SLC38A9: variants seen among roughly 807,000 people sequenced by gnomAD.
The protein encoded by SLC38A9 is neutral amino acid transporter 9.
In SLC38A9, 48 loss-of-function variants were observed where a neutral mutation model predicts 62.3. The ratio of observed to expected loss-of-function variants is 0.77; its 90% CI spans 0.61 to 0.98. The LOEUF is 0.98. Ranked by LOEUF, SLC38A9 falls within the 50% of genes least tolerant of loss-of-function variation. The pLI is 0.00. For missense variants in SLC38A9, 541 were observed against 679.8 expected (o/e 0.80, Z 2.27); for synonymous variants, 204 against 227.7 (o/e 0.90, Z 0.94).
At chr5:55,656,858 ATC>A in intron 8 of SLC38A9, 84 bp from the exon 9 acceptor site, 1 of 491,120 alleles carries the variant, frequency 2.0e-6, no homozygotes, top group Non-Finnish European at 3.0e-6. Flanking sequence ...ATTTATAAAA[ATC>A]TTTTTTTTTT....
chr5:55,669,380 G>A (rs1213668015), intron 6 of SLC38A9, 59 bp from the exon 7 acceptor site: 1 of 1,448,290 alleles, frequency 6.9e-7, no homozygotes, highest in Non-Finnish European at 9.5e-7. Context: ...AAATTCATAT[G>A]CAATTATTTT....
intron 4 of SLC38A9, 32 bp downstream of exon 4, chr5:55,672,530 AT>A: frequency 6.2e-7 from 1 of 1,608,362 alleles, no homozygotes. Flanking sequence ...TTTCAACTGA[AT>A]TTTAGACTAT....
At chr5:55,674,187 C>T (rs1052316507) in intron 3 of SLC38A9, among the ~76,000 whole-genome samples, 1 of 152,000 alleles carries the variant, frequency 6.6e-6, no homozygotes. Context: ...TGTTCTCTAC[C>T]GCAAAACCTA....
chr5:55,710,504 C>G (rs925544314), intron 2 of SLC38A9, among the ~76,000 whole-genome samples: 3 of 152,168 alleles, frequency 2.0e-5, no homozygotes, highest in African/African-American at 7.2e-5. Flanking sequence ...CCACCGCAAT[C>G]CGCCGAACCT....
rs1751475318 is a variant in SLC38A9 at position 55,672,451 on chromosome 5, T to A, written c.246+112A>T. ...CTATCTTTGACTTTGCATGATGCTGTCCTTGAAATACAGTCAGAAAGAAGT... is the reference window on the plus strand; with the variant it reads ...CTATCTTTGACTTTGCATGATGCTGACCTTGAAATACAGTCAGAAAGAAGT... On this transcript the variant is annotated intron_variant, in intron 4 of 15. Transcript: ENST00000396865. 3.3e-6 allele frequency: 4 copies of A among 1,220,164 alleles called. No individual in the cohort carries two copies. The Admixed American group carries it at 8.5e-5, about 26-fold the overall frequency. 75.6% of individuals were successfully genotyped at this position (1,220,164 alleles called of 1,614,324 possible). A position where few individuals can be genotyped will look rare whatever the true frequency, so the allele number is the denominator to read the frequency against.
intron 14 of SLC38A9, among the ~76,000 whole-genome samples, chr5:55,631,411 A>G (rs1017426135): frequency 6.6e-6 from 1 of 152,246 alleles, no homozygotes; most frequent in Non-Finnish European, 1.5e-5. Flanking sequence ...AAAAAACATT[A>G]TTGTAAAGAT....
At chr5:55,708,386 T>C (rs1757571090) in intron 2 of SLC38A9, among the ~76,000 whole-genome samples, 1 of 152,168 alleles carries the variant, frequency 6.6e-6, no homozygotes, top group Admixed American at 6.6e-5. Flanking sequence ...AAAAAGGACA[T>C]AGAGAGCAAT....
chr5:55,688,953 A>T (rs1754348854), intron 3 of SLC38A9, among the ~76,000 whole-genome samples: 1 of 151,318 alleles, frequency 6.6e-6, no homozygotes, highest in Non-Finnish European at 1.5e-5. Flanking sequence ...TAAAACTAGA[A>T]GCCATTCTGT....
chr5:55,665,885 A>T (rs560392302), intron 7 of SLC38A9, among the ~76,000 whole-genome samples: 219 of 152,214 alleles, frequency 1.4e-3, no homozygotes, highest in Non-Finnish European at 2.6e-3. Context: ...ATCCCTTGAG[A>T]CCAGGAGGTT....
intron 8 of SLC38A9, chr5:55,658,060 G>A (rs559488573): frequency 1.3e-5 from 2 of 152,284 alleles, no homozygotes; most frequent in African/African-American, 4.8e-5. Context: ...ACCTCAGAAT[G>A]TGACCTTATT....
At chr5:55,661,320 C>T (rs1749493259) in intron 8 of SLC38A9, among the ~76,000 whole-genome samples, 1 of 151,906 alleles carries the variant, frequency 6.6e-6, no homozygotes, top group Non-Finnish European at 1.5e-5. Context: ...TGGTGGGCGC[C>T]TGTAGTCCTA....
intron 8 of SLC38A9, among the ~76,000 whole-genome samples, chr5:55,661,004 A>G (rs1749422613): frequency 1.0e-5 from 1 of 100,272 alleles, no homozygotes; most frequent in Non-Finnish European, 2.2e-5. Context: ...GTATATTAGA[A>G]CTACTGTTAC....
intron 14 of SLC38A9, among the ~76,000 whole-genome samples, chr5:55,630,379 G>T (rs1743220428): frequency 6.6e-6 from 1 of 151,868 alleles, no homozygotes; most frequent in Non-Finnish European, 1.5e-5. Context: ...GTGCAGTGGT[G>T]CCATCTTGGC....
intron 9 of SLC38A9, among the ~76,000 whole-genome samples, chr5:55,653,814 ATGCCCGGCTAATTTT>A (rs1580183178): frequency 6.6e-6 from 1 of 152,218 alleles, no homozygotes; most frequent in Middle Eastern, 3.4e-3. Context: ...GCATGCCACC[ATGCCCGGCTAATTTT>A]TGTATTTTTA....
chr5:55,638,040 G>T (rs1477779873), intron 12 of SLC38A9, among the ~76,000 whole-genome samples: 7 of 152,154 alleles, frequency 4.6e-5, no homozygotes, highest in Non-Finnish European at 1.0e-4. Context: ...AACACATACA[G>T]GGATGCTTCC....
At chr5:55,702,960 A>C (rs1296928997) in intron 2 of SLC38A9, 1 of 152,228 alleles carries the variant, frequency 6.6e-6, no homozygotes, top group Non-Finnish European at 1.5e-5. Context: ...TAACTTAAAA[A>C]AAAGTAAAAC....
At chr5:55,697,612 AG>A (rs1484442666) in intron 3 of SLC38A9, among the ~76,000 whole-genome samples, 1 of 151,144 alleles carries the variant, frequency 6.6e-6, no homozygotes, top group African/African-American at 2.4e-5. Context: ...TACTTTGTAA[AG>A]TTACCCCAAC....
At chr5:55,684,879 C>G (rs1294713149) in intron 3 of SLC38A9, among the ~76,000 whole-genome samples, 1 of 152,118 alleles carries the variant, frequency 6.6e-6, no homozygotes, top group African/African-American at 2.4e-5. Flanking sequence ...GTCTCGAACT[C>G]CTGACCTCAG....
intron 12 of SLC38A9, 107 bp downstream of exon 12, chr5:55,645,682 G>A: frequency 1.3e-6 from 1 of 762,880 alleles, no homozygotes; most frequent in East Asian, 2.8e-5. Flanking sequence ...TTAAGATCTT[G>A]TAACAAAATT....
Sources: allele counts gnomAD v4.1 joint callset (sites outside exome capture counted in the v4.1 genomes callset), GRCh38; gene constraint gnomAD v4.1.1; transcripts MANE v1.5; gene names NCBI Gene and HGNC (gene_info 2026-07-23, HGNC 2026-07-21).